TAFA5: variants seen among roughly 807,000 people sequenced by gnomAD.
The protein encoded by TAFA5 is chemokine-like protein TAFA-5.
In TAFA5, 6 loss-of-function variants were observed where a neutral mutation model predicts 15.3. The ratio of observed to expected loss-of-function variants is 0.39; its 90% CI spans 0.21 to 0.77. The LOEUF (loss-of-function observed/expected upper bound fraction) is 0.77, where lower values mean the gene tolerates loss of function less well. Among genes scored for constraint, TAFA5 ranks in the 30% least tolerant of loss-of-function variants. The probability of loss-of-function intolerance (pLI) is 0.41; values close to 1 mark genes in which losing one functional copy is unlikely to be tolerated. For synonymous variants in TAFA5, 103 were observed against 80.7 expected (o/e 1.28, Z -1.48); for missense variants, 161 against 193.1 (o/e 0.83, Z 0.98).
chr22:48,726,404 A>G (rs1359944104), intron 3 of TAFA5, among the ~76,000 whole-genome samples: 1 of 152,232 alleles, frequency 6.6e-6, no homozygotes, highest in Admixed American at 6.5e-5. Flanking sequence ...TGGGCTGGAC[A>G]GGTGAACTAC....
chr22:48,598,475 C>T lies in TAFA5; in HGVS notation c.113-48122C>T, dbSNP rs76974920. Among the ~76,000 whole-genome samples, 2,297 of 152,134 alleles carry T rather than the reference C, an allele frequency of 0.015. 102 individuals carry two copies. In the East Asian group the frequency reaches 0.16, roughly 11 times the overall value. On this transcript the variant is annotated intron_variant, in intron 1 of 3. Transcript: ENST00000402357. The surrounding 1 kb of genome is among the most constrained non-coding windows in gnomAD (Gnocchi z 4.0). Reference sequence around the variant, plus strand: ...CTGAGGGAGACCACACAGGAAGGGACGTCTCCTCCTGGTGCCACCTCCTGG... The same window carrying T: ...CTGAGGGAGACCACACAGGAAGGGATGTCTCCTCCTGGTGCCACCTCCTGG...
At chr22:48,631,240 T>C (rs1434640412) in intron 1 of TAFA5, among the ~76,000 whole-genome samples, 1 of 152,040 alleles carries the variant, frequency 6.6e-6, no homozygotes, top group Non-Finnish European at 1.5e-5. Flanking sequence ...CAGGCCAGGG[T>C]GAAGTGGGCA....
chr22:48,559,237 C>T (rs1476759210), intron 1 of TAFA5, among the ~76,000 whole-genome samples: 3 of 152,220 alleles, frequency 2.0e-5, no homozygotes, highest in Non-Finnish European at 2.9e-5. Context: ...TCCTGGGCCA[C>T]TGGGCTGCCC....
chr22:48,578,203 T>C (rs1923889676), intron 1 of TAFA5, among the ~76,000 whole-genome samples: 1 of 152,218 alleles, frequency 6.6e-6, no homozygotes, highest in Non-Finnish European at 1.5e-5. Context: ...GAGGTCCAGG[T>C]GCCCAGCTGC....
rs576138300 is a variant in TAFA5, at chr22:48,539,286, C to T, written c.112+49582C>T. ...GGAGAGGTGGCCAGAAAGACCCTGG[C>T]GGACTCCTAAATTGGTTTATTTGCC... On this transcript the variant is annotated intron_variant, in intron 1 of 3. Transcript: ENST00000402357. 379 of 456,606 alleles carry T rather than the reference C, an allele frequency of 8.3e-4. 1 individual carries two copies. The highest frequency in any genetic ancestry group is 6.9e-3 in the African/African-American group (344 of 49,800). The allele number at this position is 456,606 out of a possible 1,614,324, so 28.3% of individuals were successfully genotyped here. A position where few individuals can be genotyped will look rare whatever the true frequency, so the allele number is the denominator to read the frequency against.
At chr22:48,492,325 T>C (rs1928183008) in intron 1 of TAFA5, among the ~76,000 whole-genome samples, 1 of 152,240 alleles carries the variant, frequency 6.6e-6, no homozygotes, top group Admixed American at 6.5e-5. Context: ...ATTTGTATCA[T>C]ATTAATTAGG....
At chr22:48,733,429 C>A (rs895917116) in intron 3 of TAFA5, among the ~76,000 whole-genome samples, 1 of 152,200 alleles carries the variant, frequency 6.6e-6, no homozygotes, top group Non-Finnish European at 1.5e-5. Context: ...GGAACCCTCA[C>A]AGGCAAGTTG....
Position 48,751,487 on chromosome 22 carries a change from AAAAAAAAC to A in TAFA5, c.*1641_*1648del, listed in dbSNP as rs1285116293. ...AGTATTATGCTAGTTCTATCCTACT[AAAAAAAAC>A]GTAAAAAAATAACTATATAGAAGCT... is the stretch of plus-strand genomic sequence containing the variant. On this transcript the variant is annotated 3_prime_UTR_variant, in exon 4 of 4. Coordinates refer to ENST00000402357, the MANE Select transcript of TAFA5 (RefSeq NM_001082967.3). 6.6e-6 allele frequency: 1 copy of A among 152,300 alleles called. No individual in the cohort carries two copies. The highest frequency in any genetic ancestry group is 1.9e-4 in the East Asian group (1 of 5,194). 9.4% of individuals were successfully genotyped at this position (152,300 alleles called of 1,614,324 possible). A position where few individuals can be genotyped will look rare whatever the true frequency, so the allele number is the denominator to read the frequency against.
In TAFA5 at chr22:48,718,695, C is replaced by G. The variant is rs916822691; in HGVS notation, c.390+10851C>G. 4.6e-5 allele frequency among the ~76,000 whole-genome samples: 7 copies of G among 152,290 alleles called. No homozygotes were observed. The East Asian group carries it at 1.4e-3, about 30-fold the overall frequency. On this transcript the variant is annotated intron_variant, in intron 3 of 3. Transcript: ENST00000402357. ...GCTTCCCCCGGCCCCGTGAGGTCAA[C>G]CAGGAATTCACGCAGCCCTTTCGGA...
intron 1 of TAFA5, among the ~76,000 whole-genome samples, chr22:48,553,022 C>A (rs1922910942): frequency 6.6e-6 from 1 of 152,210 alleles, no homozygotes; most frequent in South Asian, 2.1e-4. Context: ...TTCATTCATG[C>A]ATCTTTCACC....
intron 1 of TAFA5, among the ~76,000 whole-genome samples, chr22:48,614,622 C>G (rs1925530953): frequency 6.6e-6 from 1 of 152,212 alleles, no homozygotes; most frequent in Non-Finnish European, 1.5e-5. Flanking sequence ...GGTGTGTCCA[C>G]AGAGTCATGG....
At chr22:48,725,014 C>A (rs1325727687) in intron 3 of TAFA5, among the ~76,000 whole-genome samples, 1 of 152,254 alleles carries the variant, frequency 6.6e-6, no homozygotes, top group Non-Finnish European at 1.5e-5. Flanking sequence ...CCGTTCAGCT[C>A]TCATTCCCAA....
chr22:48,746,711 G>A, intron 3 of TAFA5, among the ~76,000 whole-genome samples: 1 of 152,154 alleles, frequency 6.6e-6, no homozygotes, highest in Non-Finnish European at 1.5e-5. Flanking sequence ...TTCTAGCTTG[G>A]CCTCCTACCA....
chr22:48,516,153 C>T (rs1220969582), intron 1 of TAFA5, among the ~76,000 whole-genome samples: 2 of 152,140 alleles, frequency 1.3e-5, no homozygotes, highest in Non-Finnish European at 2.9e-5. Flanking sequence ...CTTTATGACG[C>T]GCTACCCAAA....
At chr22:48,707,383 G>A (rs929034259) in intron 2 of TAFA5, among the ~76,000 whole-genome samples, 1 of 152,182 alleles carries the variant, frequency 6.6e-6, no homozygotes, top group African/African-American at 2.4e-5. Context: ...TGGCTCTCAA[G>A]TGGATTCCAG....
Position 48,749,819 on chromosome 22 carries a change from T to C in TAFA5, c.391-20T>C. The C allele has an allele frequency of 4.5e-6, 7 of 1,561,062 alleles. No homozygotes were observed. The highest frequency in any genetic ancestry group is 6.1e-6 in the Non-Finnish European group (7 of 1,151,884). On this transcript the variant is annotated intron_variant, in intron 3 of 3. Transcript: ENST00000402357. ...CAGCGTCTGCAGGAGGCTCACCCTC[T>C]CTCTCTCTTTGCTCCTCAGGTCTCC...
intron 2 of TAFA5, among the ~76,000 whole-genome samples, chr22:48,653,221 G>A (rs55776362): frequency 0.11 from 17,494 of 152,256 alleles, 1,895 homozygotes; most frequent in African/African-American, 0.28. Flanking sequence ...ACACCCCTCC[G>A]TTCCATTCTG....
chr22:48,495,958 A>C (rs1050605207), intron 1 of TAFA5, among the ~76,000 whole-genome samples: 1 of 152,190 alleles, frequency 6.6e-6, no homozygotes, highest in Admixed American at 6.5e-5. Flanking sequence ...CTTCCCAGGA[A>C]GCTGCTTGTG....
intron 1 of TAFA5, among the ~76,000 whole-genome samples, chr22:48,605,315 G>GTGATGGTGATGATGGTGA (rs1294978539): frequency 8.0e-6 from 1 of 124,750 alleles, no homozygotes; most frequent in Admixed American, 8.0e-5. Context: ...GATGATGGTG[G>GTGATGGTGATGATGGTGA]TGATGGTGAT....
Sources: allele counts gnomAD v4.1 joint callset (sites outside exome capture counted in the v4.1 genomes callset), GRCh38; gene constraint gnomAD v4.1.1; non-coding constraint Gnocchi (gnomAD v3.1); transcripts MANE v1.5; gene names NCBI Gene and HGNC (gene_info 2026-07-23, HGNC 2026-07-21).